Variants in MIER1 observed in about 807,000 individuals in gnomAD.
The protein encoded by MIER1 is mesoderm induction early response protein 1.
A neutral mutation model predicts 75.7 loss-of-function variants in MIER1; 40 were observed. That is an observed-to-expected ratio of 0.53 (90% CI 0.41 to 0.69). The LOEUF (loss-of-function observed/expected upper bound fraction) is 0.69. MIER1 is among the 30% of genes least tolerant of loss of function. The pLI, the probability that MIER1 is intolerant of heterozygous loss-of-function variation, is 0.00. For synonymous variants in MIER1, 213 were observed against 223.4 expected (o/e 0.95, Z 0.42); for missense variants, 574 against 680.2 (o/e 0.84, Z 1.74).
chr1:66,963,885 G>A (rs1010303373), intron 8 of MIER1, among the ~76,000 whole-genome samples: 13 of 152,044 alleles, frequency 8.6e-5, no homozygotes, highest in African/African-American at 2.9e-4. Flanking sequence ...TCCAGCCTGG[G>A]TGACAGAGCA....
intron 4 of MIER1, among the ~76,000 whole-genome samples, chr1:66,948,793 T>C (rs1658249193): frequency 6.6e-6 from 1 of 152,148 alleles, no homozygotes; most frequent in Admixed American, 6.5e-5. Context: ...CAACACTTCA[T>C]GAGGCTCAGG....
chr1:66,930,712 G>C (rs1264277943), intron 2 of MIER1, among the ~76,000 whole-genome samples: 1 of 152,090 alleles, frequency 6.6e-6, no homozygotes, highest in Non-Finnish European at 1.5e-5. Context: ...AACTTCGCCG[G>C]CCGGTGCTAG....
chr1:66,956,681 C>G (rs554785993), intron 4 of MIER1, among the ~76,000 whole-genome samples: 2 of 152,140 alleles, frequency 1.3e-5, no homozygotes, highest in African/African-American at 4.8e-5. Flanking sequence ...AAAGTTACCG[C>G]TTTTCAGGTT....
At position 66,927,440 on chromosome 1, in the gene MIER1, A is replaced by G. The variant is rs575657214; in HGVS notation, c.168+1198A>G. ...TTTGGATATCACATTAATAAATAACAAAGTGTAATAATTTTAAGCAGACAC... is the reference window on the plus strand; with the variant it reads ...TTTGGATATCACATTAATAAATAACGAAGTGTAATAATTTTAAGCAGACAC... On this transcript the variant is annotated intron_variant, in intron 2 of 13. Coordinates refer to ENST00000401041, the MANE Select transcript of MIER1 (RefSeq NM_001077700.3). Among the ~76,000 whole-genome samples, 5 of 152,166 alleles carry G rather than the reference A, an allele frequency of 3.3e-5. No individual in the cohort carries two copies. In the East Asian group the frequency reaches 9.6e-4, roughly 29 times the overall value.
intron 13 of MIER1, among the ~76,000 whole-genome samples, chr1:66,982,554 T>C (rs956091477): frequency 3.9e-5 from 6 of 152,100 alleles, no homozygotes; most frequent in Non-Finnish European, 8.8e-5. Context: ...ATTATTTTGA[T>C]TTCTTCTTTG....
intron 7 of MIER1, among the ~76,000 whole-genome samples, chr1:66,962,302 A>G (rs1661404665): frequency 2.0e-5 from 3 of 152,328 alleles, no homozygotes; most frequent in African/African-American, 7.2e-5. Context: ...ATGAAAGTCA[A>G]GCCATAACCT....
intron 3 of MIER1, among the ~76,000 whole-genome samples, chr1:66,942,204 T>G (rs141541558): frequency 1.1e-4 from 17 of 152,240 alleles, no homozygotes; most frequent in Admixed American, 4.6e-4. Flanking sequence ...ATGTAAAAAA[T>G]TTTTCAGTCC....
At chr1:66,951,612 G>A (rs1016849498) in intron 4 of MIER1, among the ~76,000 whole-genome samples, 2 of 151,012 alleles carry the variant, frequency 1.3e-5, no homozygotes, top group Non-Finnish European at 2.9e-5. Flanking sequence ...ACAGGGTCTC[G>A]TTCTGTCGCT....
intron 4 of MIER1, chr1:66,947,878 G>C (rs1658041664): frequency 7.2e-6 from 7 of 967,126 alleles, no homozygotes; most frequent in Non-Finnish European, 7.4e-6. Context: ...AGGGTTTTCA[G>C]CTCATTCTCA....
chr1:66,977,392 G>GA (rs1664938852), intron 12 of MIER1, among the ~76,000 whole-genome samples: 2 of 152,152 alleles, frequency 1.3e-5, no homozygotes, highest in African/African-American at 2.4e-5. Context: ...TTACAGGAGT[G>GA]AGCCACTGTA....
chr1:66,984,460 A>G (rs1395636092), intron 13 of MIER1, 112 bp from the exon 14 acceptor site: 6 of 750,318 alleles, frequency 8.0e-6, no homozygotes, highest in Non-Finnish European at 1.3e-5. Context: ...AATTTAGACT[A>G]TGTATTTGAT....
chr1:66,929,685 G>GT (rs1379558303), intron 2 of MIER1, among the ~76,000 whole-genome samples: 1 of 152,210 alleles, frequency 6.6e-6, no homozygotes. Context: ...ACAGAAGTGT[G>GT]TGAGAAAACG....
intron 3 of MIER1, among the ~76,000 whole-genome samples, chr1:66,942,262 A>G (rs964213734): frequency 5.3e-5 from 8 of 152,212 alleles, no homozygotes; most frequent in East Asian, 1.9e-4. Flanking sequence ...TTTGCAATCA[A>G]TGCTAGTAAT....
chr1:66,975,868 A>G (rs890710529), intron 11 of MIER1, among the ~76,000 whole-genome samples: 2 of 152,198 alleles, frequency 1.3e-5, no homozygotes, highest in Non-Finnish European at 2.9e-5. Flanking sequence ...GACTAGTAAG[A>G]GAATCTTTCA....
rs183550810 is a variant in MIER1, at chr1:66,957,488, A to T, written c.340-571A>T. On this transcript the variant is annotated intron_variant, in intron 4 of 13. Transcript: ENST00000401041. ...CCGTATGATAGATGGTAAGGATTTC[A>T]TGAGATGATTTTATATGTAAATGGA... Among the ~76,000 whole-genome samples, 494 of 152,228 alleles carry T rather than the reference A, an allele frequency of 3.2e-3. 2 individuals are homozygous for T. Among genetic ancestry groups the T allele is most frequent in the African/African-American group, 0.011 (445 of 41,548 alleles).
rs1433190545 is a variant in MIER1, at chr1:66,925,300, C to T, written c.67+205C>T. 5.1e-6 allele frequency: 5 copies of T among 985,078 alleles called. No homozygotes were observed. The South Asian group carries it at 1.9e-4, about 37-fold the overall frequency. 61.0% of individuals were successfully genotyped at this position (985,078 alleles called of 1,614,324 possible). On this transcript the variant is annotated intron_variant, in intron 1 of 13. Transcript: ENST00000401041. ...GCTGCCAAAGGCGCATGCGCAGCTT[C>T]CTCCCTCTGGCCATCGACTGCCTCC...
rs1385182754 is a variant in MIER1, at chr1:66,985,306, C to T, written c.*406C>T. On this transcript the variant is annotated 3_prime_UTR_variant, in exon 14 of 14. Coordinates refer to ENST00000401041, the MANE Select transcript of MIER1 (RefSeq NM_001077700.3). ...TGATGGATGAATGGGAAACTCAAGTCCAAATTTCTGCTTAATACCAATTTC... is the reference window on the plus strand; with the variant it reads ...TGATGGATGAATGGGAAACTCAAGTTCAAATTTCTGCTTAATACCAATTTC... 1.0e-6 allele frequency: 1 copy of T among 985,188 alleles called. No homozygotes were observed. Among genetic ancestry groups the T allele is most frequent in the Non-Finnish European group, 1.2e-6 (1 of 829,828 alleles). 61.0% of individuals were successfully genotyped at this position (985,188 alleles called of 1,614,324 possible).
At chr1:66,925,997 C>T in intron 1 of MIER1, 145 bp from the exon 2 acceptor site, 1 of 635,214 alleles carries the variant, frequency 1.6e-6, no homozygotes, top group Non-Finnish European at 2.8e-6. Context: ...TGACTTAAGG[C>T]TCATTAAATG....
At chr1:66,959,936 C>T (rs1301573407) in intron 7 of MIER1, 193 bp downstream of exon 7, 3 of 300,544 alleles carry the variant, frequency 1.0e-5, no homozygotes, top group African/African-American at 6.5e-5. Context: ...ATCTACATTT[C>T]TGGCGGGGTG....
Sources: allele counts gnomAD v4.1 joint callset (sites outside exome capture counted in the v4.1 genomes callset), GRCh38; gene constraint gnomAD v4.1.1; transcripts MANE v1.5; gene names NCBI Gene and HGNC (gene_info 2026-07-23, HGNC 2026-07-21).